Variants in PRKCI observed in about 807,000 individuals in gnomAD.
PRKCI encodes the protein protein kinase C iota type.
A neutral mutation model predicts 84.0 loss-of-function variants in PRKCI; 43 were observed. The observed-to-expected ratio is 0.51, with a 90% CI of 0.40 to 0.66. PRKCI has a LOEUF of 0.66. Ranked by LOEUF, PRKCI falls within the 30% of genes least tolerant of loss-of-function variation. PRKCI has a pLI of 0.00. For missense variants in PRKCI, 459 were observed against 745.6 expected (o/e 0.62, Z 4.48); for synonymous variants, 216 against 234.4 (o/e 0.92, Z 0.72).
chr3:170,290,981 A>G (rs1734535839), intron 12 of PRKCI, among the ~76,000 whole-genome samples: 1 of 152,168 alleles, frequency 6.6e-6, no homozygotes, highest in African/African-American at 2.4e-5. Flanking sequence ...TACTAAAAAT[A>G]CAAAATTAGT....
At chr3:170,275,097 A>G (rs1734081202) in intron 7 of PRKCI, 132 bp from the exon 8 acceptor site, 1 of 1,123,330 alleles carries the variant, frequency 8.9e-7, no homozygotes, top group Non-Finnish European at 1.2e-6. Flanking sequence ...TAAATAATGA[A>G]AATTTATTCA....
chr3:170,226,547 GTTC>G (rs1732632478), intron 1 of PRKCI, among the ~76,000 whole-genome samples: 1 of 152,128 alleles, frequency 6.6e-6, no homozygotes, highest in Admixed American at 6.6e-5. Flanking sequence ...GCTTGTGAAA[GTTC>G]TTTTTAAACC....
chr3:170,244,833 A>G (rs1418784342), intron 2 of PRKCI: 1 of 152,346 alleles, frequency 6.6e-6, no homozygotes, highest in Non-Finnish European at 1.5e-5. Flanking sequence ...AGCCAGTTAC[A>G]GATTTCTTTG....
rs577899351 is a variant in PRKCI, at chr3:170,292,545, A to G, written c.1291+604A>G. On this transcript the variant is annotated intron_variant, in intron 13 of 17. Transcript: ENST00000295797. ...AATGTGGTACTTGTGAGAGCTGCTC[A>G]AAGTCTGAATCCACTGTCCTTCACT... Among the ~76,000 whole-genome samples the G allele has an allele frequency of 9.2e-4, 140 of 152,326 alleles. 1 individual carries two copies. Among genetic ancestry groups the G allele is most frequent in the African/African-American group, 3.0e-3 (123 of 41,586 alleles).
At position 170,285,007 on chromosome 3, in the gene PRKCI, T is replaced by G. The variant is rs148440701; in HGVS notation, c.1203+411T>G. Among the ~76,000 whole-genome samples the G allele has an allele frequency of 3.1e-3, 475 of 152,252 alleles. 7 individuals are homozygous for G. The highest frequency in any genetic ancestry group is 2.4e-3 in the Non-Finnish European group (166 of 68,028). On this transcript the variant is annotated intron_variant, in intron 12 of 17. Coordinates refer to ENST00000295797, the MANE Select transcript of PRKCI (RefSeq NM_002740.6). ...GTCAAACATTTTTTATATTTAAATT[T>G]TAAACATCTGACATAAAGCATAATA...
At chr3:170,299,144 A>G (rs1227545143) in intron 17 of PRKCI, 34 bp downstream of exon 17, 1 of 1,345,960 alleles carries the variant, frequency 7.4e-7, no homozygotes, top group African/African-American at 1.5e-5. Context: ...TTTTTTTTTA[A>G]GTTCTTTGGA....
At chr3:170,259,248 A>G (rs977829285) in intron 2 of PRKCI, among the ~76,000 whole-genome samples, 1 of 152,124 alleles carries the variant, frequency 6.6e-6, no homozygotes, top group African/African-American at 2.4e-5. Context: ...GCTCATGCCC[A>G]TAATTCCAGC....
chr3:170,276,651 A>G lies in PRKCI; in HGVS notation c.705+1364A>G, dbSNP rs138650544. Among the ~76,000 whole-genome samples the G allele has an allele frequency of 4.0e-3, 614 of 152,240 alleles. 3 individuals are homozygous for G. Among genetic ancestry groups the G allele is most frequent in the African/African-American group, 0.014 (583 of 41,538 alleles). ...CAAAAATTTACTCAAGGTGGAATAA[A>G]GATTTAAATGTAATACCTCAAACTA... On this transcript the variant is annotated intron_variant, in intron 8 of 17. Coordinates refer to ENST00000295797, the MANE Select transcript of PRKCI (RefSeq NM_002740.6).
chr3:170,255,979 C>T (rs1012628743), intron 2 of PRKCI, among the ~76,000 whole-genome samples: 6 of 152,072 alleles, frequency 3.9e-5, no homozygotes, highest in Admixed American at 2.0e-4. Flanking sequence ...TGATATATCA[C>T]GTTGATTGAT....
intron 12 of PRKCI, among the ~76,000 whole-genome samples, chr3:170,289,563 C>G (rs1734484999): frequency 6.6e-6 from 1 of 152,080 alleles, no homozygotes; most frequent in African/African-American, 2.4e-5. Flanking sequence ...CACCTGAGGT[C>G]AGGAGTTTGA....
intron 5 of PRKCI, among the ~76,000 whole-genome samples, chr3:170,269,971 GAAAGA>G (rs1279857713): frequency 1.3e-5 from 2 of 149,774 alleles, no homozygotes; most frequent in African/African-American, 5.0e-5. Context: ...AAAAAAAAAA[GAAAGA>G]AAAGAAGAAG....
At chr3:170,253,812 C>A (rs1400408360) in intron 2 of PRKCI, among the ~76,000 whole-genome samples, 1 of 148,912 alleles carries the variant, frequency 6.7e-6, no homozygotes, top group African/African-American at 2.5e-5. Context: ...AATGTCTATT[C>A]AGGGCTAGGG....
At chr3:170,268,526 A>G (rs113956354) in intron 5 of PRKCI, among the ~76,000 whole-genome samples, 48 of 152,070 alleles carry the variant, frequency 3.2e-4, no homozygotes, top group African/African-American at 1.1e-3. Context: ...ATTATTCCAC[A>G]TAATATACCC....
chr3:170,289,214 A>T (rs1734475831), intron 12 of PRKCI, among the ~76,000 whole-genome samples: 1 of 152,234 alleles, frequency 6.6e-6, no homozygotes, highest in South Asian at 2.1e-4. Flanking sequence ...TTTCATGAGA[A>T]TGTATTGCCG....
At chr3:170,241,643 T>G (rs1733135319) in intron 2 of PRKCI, among the ~76,000 whole-genome samples, 1 of 152,090 alleles carries the variant, frequency 6.6e-6, no homozygotes, top group African/African-American at 2.4e-5. Flanking sequence ...GTAGTTCACC[T>G]TTGTTTTGAG....
chr3:170,269,738 C>T (rs1459586680), intron 5 of PRKCI, among the ~76,000 whole-genome samples: 4 of 151,936 alleles, frequency 2.6e-5, no homozygotes, highest in African/African-American at 9.7e-5. Context: ...GGGTGGATCA[C>T]CTGAGGTCCA....
chr3:170,248,378 G>GC (rs1030377632), intron 2 of PRKCI, among the ~76,000 whole-genome samples: 2 of 130,506 alleles, frequency 1.5e-5, no homozygotes, highest in Non-Finnish European at 3.5e-5. Flanking sequence ...TATTGGGGGG[G>GC]GGAAAAAACC....
intron 13 of PRKCI, 40 bp downstream of exon 13, chr3:170,291,981 G>C: frequency 7.1e-7 from 1 of 1,406,304 alleles, no homozygotes; most frequent in Non-Finnish European, 1.0e-6. Context: ...GCTATTGCTA[G>C]ATGGGTGGTA....
At chr3:170,284,706 T>C (rs1734329693) in intron 12 of PRKCI, 110 bp downstream of exon 12, 3 of 1,290,492 alleles carry the variant, frequency 2.3e-6, no homozygotes, top group African/African-American at 1.5e-5. Context: ...GCTAATTTAC[T>C]TAAGCTTTGT....
Sources: gnomAD v4.1 joint callset for allele counts (sites outside exome capture counted in the v4.1 genomes callset) on GRCh38, gnomAD v4.1.1 for gene constraint, MANE v1.5 for transcripts, NCBI Gene and HGNC (gene_info 2026-07-23, HGNC 2026-07-21) for gene names.